The following GALNTL6 variants were observed in gnomAD, a reference collection of about 807,000 sequenced individuals.
GALNTL6 encodes the protein polypeptide N-acetylgalactosaminyltransferase like 6.
In GALNTL6, 46 loss-of-function variants were observed where a neutral mutation model predicts 73.7. The ratio of observed to expected loss-of-function variants is 0.62; its 90% CI spans 0.49 to 0.80. The LOEUF (loss-of-function observed/expected upper bound fraction) is 0.80. Among genes scored for constraint, GALNTL6 ranks in the 30% least tolerant of loss-of-function variants. GALNTL6 has a pLI of 0.00. For synonymous variants in GALNTL6, 259 were observed against 263.7 expected (o/e 0.98, Z 0.17); for missense variants, 604 against 755.0 (o/e 0.80, Z 2.34).
At chr4:172,841,767 G>A (rs192500166) in intron 7 of GALNTL6, among the ~76,000 whole-genome samples, 2 of 152,118 alleles carry the variant, frequency 1.3e-5, no homozygotes, top group African/African-American at 2.4e-5. Context: ...TCCCCTCTAC[G>A]TGTGCGGATT....
chr4:172,022,602 A>C (rs1741440323), intron 2 of GALNTL6, among the ~76,000 whole-genome samples: 1 of 151,762 alleles, frequency 6.6e-6, no homozygotes, highest in South Asian at 2.1e-4. Context: ...CCTAGCATTC[A>C]TCTCTGCTGT....
chr4:172,646,840 C>T (rs947106652), intron 5 of GALNTL6, among the ~76,000 whole-genome samples: 8 of 151,918 alleles, frequency 5.3e-5, no homozygotes, highest in Non-Finnish European at 1.0e-4. Context: ...GCTCAAATTA[C>T]CATTTTTAGA....
chr4:172,797,294 G>T (rs1423176704), intron 5 of GALNTL6, among the ~76,000 whole-genome samples: 4 of 151,854 alleles, frequency 2.6e-5, no homozygotes, highest in Non-Finnish European at 5.9e-5. Context: ...GCTCTGTCCC[G>T]CAGGTTGGCG....
At chr4:172,015,883 A>C (rs1190807851) in intron 2 of GALNTL6, among the ~76,000 whole-genome samples, 1 of 139,966 alleles carries the variant, frequency 7.1e-6, no homozygotes, top group Non-Finnish European at 1.5e-5. Flanking sequence ...CTTCTGGCTT[A>C]TAAGCTACCT....
At chr4:171,978,064 C>T (rs1739775512) in intron 2 of GALNTL6, among the ~76,000 whole-genome samples, 1 of 151,962 alleles carries the variant, frequency 6.6e-6, no homozygotes, top group Admixed American at 6.6e-5. Context: ...ATTACTAACA[C>T]CAACCTAATA....
chr4:172,694,504 C>T (rs1016482239), intron 5 of GALNTL6, among the ~76,000 whole-genome samples: 5 of 152,176 alleles, frequency 3.3e-5, no homozygotes, highest in South Asian at 2.1e-4. Flanking sequence ...CATAGTATTC[C>T]GTGGTGTATA....
At chr4:172,314,681 C>T (rs1361656052) in intron 4 of GALNTL6, among the ~76,000 whole-genome samples, 1 of 134,096 alleles carries the variant, frequency 7.5e-6, no homozygotes, top group Non-Finnish European at 1.5e-5. Flanking sequence ...GATCTTGGCT[C>T]ACTGCAACCT....
chr4:172,633,264 A>T (rs1410645732), intron 5 of GALNTL6, among the ~76,000 whole-genome samples: 1 of 152,134 alleles, frequency 6.6e-6, no homozygotes, highest in Non-Finnish European at 1.5e-5. Context: ...CAACACCAGC[A>T]GCTGAGAGGG....
chr4:172,674,033 T>C (rs1732140330), intron 5 of GALNTL6, among the ~76,000 whole-genome samples: 1 of 152,198 alleles, frequency 6.6e-6, no homozygotes, highest in South Asian at 2.1e-4. Context: ...TTTTGCAGTC[T>C]TGTTTATGTG....
chr4:172,261,759 C>T (rs1471782477), intron 3 of GALNTL6, among the ~76,000 whole-genome samples: 2 of 151,406 alleles, frequency 1.3e-5, no homozygotes, highest in Non-Finnish European at 3.0e-5. Context: ...CCTCTGAGCA[C>T]TCCTTTTGCT....
intron 4 of GALNTL6, among the ~76,000 whole-genome samples, chr4:172,327,293 T>C (rs6553625): frequency 0.57 from 86,709 of 151,976 alleles, 27,011 homozygotes; most frequent in Non-Finnish European, 0.71. Flanking sequence ...CTTTTATATT[T>C]GCTAAGGACT....
intron 5 of GALNTL6, among the ~76,000 whole-genome samples, chr4:172,734,799 T>C (rs1027247691): frequency 6.6e-6 from 1 of 152,172 alleles, no homozygotes; most frequent in African/African-American, 2.4e-5. Flanking sequence ...CAGCCAGGAC[T>C]TGGTGCCCTG....
At chr4:172,641,760 T>TA (rs1352409197) in intron 5 of GALNTL6, among the ~76,000 whole-genome samples, 2 of 152,162 alleles carry the variant, frequency 1.3e-5, no homozygotes, top group African/African-American at 4.8e-5. Flanking sequence ...ATTGTTTTTT[T>TA]ATCTGTCTTC....
chr4:173,021,693 T>A, intron 12 of GALNTL6, 68 bp downstream of exon 12: 1 of 1,537,092 alleles, frequency 6.5e-7, no homozygotes, highest in Non-Finnish European at 9.0e-7. Flanking sequence ...TCAGTTTTCT[T>A]TGAAAACACA....
intron 5 of GALNTL6, among the ~76,000 whole-genome samples, chr4:172,583,787 C>T (rs1275066313): frequency 6.6e-6 from 1 of 150,816 alleles, no homozygotes; most frequent in Non-Finnish European, 1.5e-5. Context: ...ATCCCAGCTA[C>T]TCAGGAGGCT....
intron 5 of GALNTL6, among the ~76,000 whole-genome samples, chr4:172,540,051 CTTT>C (rs70944413): frequency 3.1e-5 from 4 of 129,184 alleles, no homozygotes; most frequent in East Asian, 2.2e-4. Context: ...TTCTTTCTTT[CTTT>C]TTTTTTTTTT....
chr4:172,782,357 G>A (rs1034058525), intron 5 of GALNTL6, among the ~76,000 whole-genome samples: 6 of 152,108 alleles, frequency 3.9e-5, no homozygotes, highest in Non-Finnish European at 5.9e-5. Context: ...GAATAAGTCA[G>A]GTAAGAGTTT....
chr4:172,515,438 G>A (rs1297731629), intron 5 of GALNTL6, among the ~76,000 whole-genome samples: 1 of 152,178 alleles, frequency 6.6e-6, no homozygotes, highest in Non-Finnish European at 1.5e-5. Flanking sequence ...CTGTGGTCTT[G>A]AGATTTACAC....
At position 172,736,576 on chromosome 4, in the gene GALNTL6, C is replaced by T. The variant is rs562360271; in HGVS notation, c.554-72785C>T. On this transcript the variant is annotated intron_variant, in intron 5 of 12. Transcript: ENST00000506823. ...GTCCTGAGGTGACATACATCCTCAG[C>T]TTATGAAGATGACGGGATTAAGAGA... is the stretch of plus-strand genomic sequence containing the variant. Among the ~76,000 whole-genome samples the T allele has an allele frequency of 7.2e-5, 11 of 152,264 alleles. 1 individual carries two copies. Among genetic ancestry groups the T allele is most frequent in the African/African-American group, 1.7e-4 (7 of 41,542 alleles).
Sources: gnomAD v4.1 joint callset for allele counts (sites outside exome capture counted in the v4.1 genomes callset) on GRCh38, gnomAD v4.1.1 for gene constraint, MANE v1.5 for transcripts, NCBI Gene and HGNC (gene_info 2026-07-23, HGNC 2026-07-21) for gene names.